PCDHGB5: variants seen among roughly 807,000 people sequenced by gnomAD.
PCDHGB5 encodes the protein protocadherin gamma subfamily B, 5.
Under a neutral mutation model 62.9 loss-of-function variants are expected in PCDHGB5, and 48 were observed. The observed-to-expected ratio is 0.76, with a 90% CI of 0.61 to 0.97. The LOEUF is 0.97. PCDHGB5 is among the 50% of genes least tolerant of loss of function. The pLI, the probability that PCDHGB5 is intolerant of heterozygous loss-of-function variation, is 0.00. For synonymous variants in PCDHGB5, 474 were observed against 511.2 expected (o/e 0.93, Z 0.98); for missense variants, 1,118 against 1,198.6 (o/e 0.93, Z 0.99).
chr5:141,511,230 C>A lies in PCDHGB5; in HGVS notation c.*57C>A. On this transcript the variant is annotated 3_prime_UTR_variant, in exon 4 of 4. Transcript: ENST00000617380. ...CCTCTCCCCAACCAGCCCAGCTTCT[C>A]CTTACCTGCACCCAGGCCTCAGAGT... 6.3e-7 allele frequency: 1 copy of A among 1,597,914 alleles called. No homozygotes were observed. The highest frequency in any genetic ancestry group is 1.1e-5 in the South Asian group (1 of 89,144).
In PCDHGB5 at chr5:141,477,787, C is replaced by A; in HGVS notation, c.2398-17020C>A. The stretch of plus-strand genomic sequence containing the variant: ...CCAACATCAGCGTGAACATATTTGT[C>A]ACTGATCGCAATGACAATGCCCCCC... On this transcript the variant is annotated intron_variant, in intron 1 of 3. Transcript: ENST00000617380. The surrounding 1 kb of genome is among the most constrained non-coding windows in gnomAD (Gnocchi z 4.9). The A allele has an allele frequency of 6.2e-7, 1 of 1,614,092 alleles. No homozygotes were observed. The highest frequency in any genetic ancestry group is 8.5e-7 in the Non-Finnish European group (1 of 1,180,034).
intron 1 of PCDHGB5, chr5:141,484,855 G>T (rs1178318896): frequency 3.9e-6 from 1 of 257,336 alleles, no homozygotes; most frequent in East Asian, 8.3e-5. Context: ...GTTTTTTGGG[G>T]GGTGGGGGAG....
chr5:141,470,911 G>C (rs1208467445), intron 1 of PCDHGB5, among the ~76,000 whole-genome samples: 1 of 151,916 alleles, frequency 6.6e-6, no homozygotes, highest in African/African-American at 2.4e-5. Context: ...AGATGGGACT[G>C]TCCCTATGTT....
Position 141,486,058 on chromosome 5 carries a change from G to A in PCDHGB5, c.2398-8749G>A. On this transcript the variant is annotated intron_variant, in intron 1 of 3. Transcript: ENST00000617380. The surrounding 1 kb of genome is among the most constrained non-coding windows in gnomAD (Gnocchi z 5.0). The stretch of plus-strand genomic sequence containing the variant: ...ATCGTGTAAGAAACCTCTTTAGCCT[G>A]CACCCCACTACTGGAAAGCTTACTC... The A allele has an allele frequency of 6.2e-7, 1 of 1,614,122 alleles. No homozygotes were observed. The highest frequency in any genetic ancestry group is 8.5e-7 in the Non-Finnish European group (1 of 1,180,012).
In PCDHGB5 at chr5:141,476,784, C is replaced by A; in HGVS notation, c.2398-18023C>A. 1 of 1,613,520 alleles carries A rather than the reference C, an allele frequency of 6.2e-7. No homozygotes were observed. On this transcript the variant is annotated intron_variant, in intron 1 of 3. Transcript: ENST00000617380. The surrounding 1 kb of genome is among the most constrained non-coding windows in gnomAD (Gnocchi z 7.6). ...ACGGCGTTGGACGGAGGGACCCCAGCTCTCTCCGCCAGCCTGCCTATTCAC... is the reference window on the plus strand; with the variant it reads ...ACGGCGTTGGACGGAGGGACCCCAGATCTCTCCGCCAGCCTGCCTATTCAC...
chr5:141,409,997 G>T, intron 1 of PCDHGB5: 3 of 1,613,224 alleles, frequency 1.9e-6, no homozygotes, highest in Non-Finnish European at 2.5e-6. Flanking sequence ...CGCCGACTCG[G>T]GACACAACGC....
intron 2 of PCDHGB5, among the ~76,000 whole-genome samples, chr5:141,499,576 G>C (rs2099792836): frequency 1.3e-5 from 2 of 151,790 alleles, no homozygotes; most frequent in Non-Finnish European, 2.9e-5. Context: ...TTCAACTAAT[G>C]CCTTATCTTG....
intron 1 of PCDHGB5, chr5:141,408,214 C>G (rs1225368283): frequency 1.3e-6 from 2 of 1,555,192 alleles, no homozygotes; most frequent in Admixed American, 2.0e-5. Context: ...TGGGAGGGAG[C>G]TGCGCGCAGA....
rs2093920920 is a variant in PCDHGB5 at position 141,399,935 on chromosome 5, A to G, written c.1808A>G (p.His603Arg). ...GGACACAACGCCTGGCTGTCCTACC[A>G]CGTGCTGCAGGCTAGCGAGCCCGGG... ...DSGHNAWLSY[H>R]VLQASEPGLF... The change falls in exon 1 of 4, where the codon CAC (histidine) becomes CGC (arginine). Residue 603 changes from histidine to arginine, a missense_variant. Physicochemically the swap from His to Arg is conservative, Grantham distance 29. This residue lies in a region of PCDHGB5 where 1,034 missense variants were observed against 1,029.1 expected (regional missense o/e 1.00). Coordinates refer to ENST00000617380, the MANE Select transcript of PCDHGB5 (RefSeq NM_018925.3). 3 of 1,612,300 alleles carry G rather than the reference A, an allele frequency of 1.9e-6. No individual in the cohort carries two copies. Among genetic ancestry groups the G allele is most frequent in the Non-Finnish European group, 2.5e-6 (3 of 1,179,720 alleles).
At chr5:141,460,150 T>G (rs1169568683) in intron 1 of PCDHGB5, among the ~76,000 whole-genome samples, 1 of 152,106 alleles carries the variant, frequency 6.6e-6, no homozygotes, top group East Asian at 1.9e-4. Context: ...ATGTGAGCTC[T>G]TTGTCACATA....
intron 1 of PCDHGB5, chr5:141,411,948 G>A (rs2095525022): frequency 1.3e-5 from 2 of 152,152 alleles, no homozygotes. Flanking sequence ...GAAGATTTTT[G>A]AAGAAAAAAG....
chr5:141,430,255 T>TC (rs11167746), intron 1 of PCDHGB5, among the ~76,000 whole-genome samples: 81,857 of 151,872 alleles, frequency 0.54, 24,107 homozygotes, highest in African/African-American at 0.79. Flanking sequence ...GGGAGACATC[T>TC]CCATAATAGG....
rs767515334 is a variant in PCDHGB5, at chr5:141,403,753, C to A, written c.2397+3229C>A. ...CCTGGCTGCTTACTGCAACAGCCAG[C>A]GACCTGGATGAGGGAATCAACGGAA... is the stretch of plus-strand genomic sequence containing the variant. On this transcript the variant is annotated intron_variant, in intron 1 of 3. Transcript: ENST00000617380. The A allele has an allele frequency of 1.9e-6, 3 of 1,613,502 alleles. No individual in the cohort carries two copies. The Admixed American group carries it at 5.0e-5, about 27-fold the overall frequency.
chr5:141,419,872 A>G (rs1354880437), intron 1 of PCDHGB5: 1 of 1,614,094 alleles, frequency 6.2e-7, no homozygotes, highest in Admixed American at 1.7e-5. Flanking sequence ...TGCAAGAGGT[A>G]CTGCCGGATT....
intron 1 of PCDHGB5, chr5:141,441,855 G>T (rs1210416963): frequency 2.8e-6 from 1 of 351,872 alleles, no homozygotes; most frequent in Admixed American, 4.0e-5. Context: ...ATATGGTGCT[G>T]CACGCCGCGG....
rs958686867 is a variant in PCDHGB5, at chr5:141,400,524, G to A, written c.2397G>A (p.Leu799=). 1 of 1,613,802 alleles carries A rather than the reference G, an allele frequency of 6.2e-7. No individual in the cohort carries two copies. The highest frequency in any genetic ancestry group is 8.5e-7 in the Non-Finnish European group (1 of 1,179,820). ...NSSESTSHPE[L]QAPPNTDWRF... is the part of the protein sequence containing the mutation. ...GCGAGTCGACTTCCCATCCTGAGTT[G>A]GTGAGTTTCATTTATGTCTATTCTT... The change falls in exon 1 of 4, where the codon TTG becomes TTA. Residue 799 remains leucine (L), a splice_region_variant and synonymous_variant. Transcript: ENST00000617380.
intron 1 of PCDHGB5, among the ~76,000 whole-genome samples, chr5:141,492,802 G>A (rs1490284966): frequency 6.6e-6 from 1 of 152,234 alleles, no homozygotes; most frequent in Non-Finnish European, 1.5e-5. Flanking sequence ...GCAGGACTGG[G>A]ACTCCAGTGG....
intron 1 of PCDHGB5, among the ~76,000 whole-genome samples, chr5:141,468,890 G>A (rs2099184679): frequency 6.6e-6 from 1 of 151,592 alleles, no homozygotes; most frequent in African/African-American, 2.4e-5. Flanking sequence ...TAATAATAAG[G>A]TACTAATATG....
At chr5:141,430,751 A>G in intron 1 of PCDHGB5, 1 of 1,496,066 alleles carries the variant, frequency 6.7e-7, no homozygotes, top group Non-Finnish European at 8.9e-7. Context: ...ATTCTGGAGG[A>G]AGATAAGAAT....
Sources: allele counts gnomAD v4.1 joint callset (sites outside exome capture counted in the v4.1 genomes callset), GRCh38; gene constraint gnomAD v4.1.1; regional missense constraint gnomAD v4.1.1; non-coding constraint Gnocchi (gnomAD v3.1); transcripts MANE v1.5; gene names NCBI Gene and HGNC (gene_info 2026-07-23, HGNC 2026-07-21).